EXOC6B: variants seen among roughly 807,000 people sequenced by gnomAD.
EXOC6B encodes SEC15 homolog B.
A neutral mutation model predicts 113.5 loss-of-function variants in EXOC6B; 54 were observed. The ratio of observed to expected loss-of-function variants is 0.48; its 90% CI spans 0.38 to 0.60. The LOEUF (loss-of-function observed/expected upper bound fraction) is 0.60, where lower values mean the gene tolerates loss of function less well. EXOC6B is among the 20% of genes least tolerant of loss of function. EXOC6B has a pLI of 0.00. For synonymous variants in EXOC6B, 357 were observed against 339.0 expected (o/e 1.05, Z -0.58); for missense variants, 797 against 977.5 (o/e 0.82, Z 2.46).
At chr2:72,451,427 C>T (rs1283697995) in intron 18 of EXOC6B, among the ~76,000 whole-genome samples, 2 of 152,074 alleles carry the variant, frequency 1.3e-5, no homozygotes, top group Non-Finnish European at 2.9e-5. Flanking sequence ...TAAAACAAAA[C>T]ACATAGACAA....
chr2:72,286,821 C>A (rs1685457920), intron 20 of EXOC6B, among the ~76,000 whole-genome samples: 1 of 151,828 alleles, frequency 6.6e-6, no homozygotes, highest in South Asian at 2.1e-4. Flanking sequence ...AATACGAAGT[C>A]CTTTTTAAAA....
intron 17 of EXOC6B, among the ~76,000 whole-genome samples, chr2:72,472,805 G>A (rs1698490911): frequency 6.6e-6 from 1 of 152,108 alleles, no homozygotes; most frequent in Non-Finnish European, 1.5e-5. Flanking sequence ...GCTTTTTGAT[G>A]TAGGTGCTTA....
chr2:72,423,977 C>T (rs894151850), intron 18 of EXOC6B, among the ~76,000 whole-genome samples: 1 of 152,154 alleles, frequency 6.6e-6, no homozygotes, highest in Non-Finnish European at 1.5e-5. Context: ...TTTTAATACA[C>T]TGTTGAATTG....
chr2:72,582,755 T>G (rs2103874267), intron 6 of EXOC6B, among the ~76,000 whole-genome samples: 1 of 152,256 alleles, frequency 6.6e-6, no homozygotes, highest in South Asian at 2.1e-4. Flanking sequence ...ACACAGGCTC[T>G]CCAGCAATGG....
At chr2:72,529,386 T>A (rs1486131012) in intron 8 of EXOC6B, among the ~76,000 whole-genome samples, 1 of 152,180 alleles carries the variant, frequency 6.6e-6, no homozygotes, top group Non-Finnish European at 1.5e-5. Flanking sequence ...TTTTAAAAAT[T>A]TTGCATCTAT....
At position 72,825,918 on chromosome 2, in the gene EXOC6B, G is replaced by A. The variant is rs781298134; in HGVS notation, c.-8C>T. The A allele has an allele frequency of 3.1e-6, 5 of 1,611,486 alleles. No individual in the cohort carries two copies. In the East Asian group the frequency reaches 8.9e-5, roughly 29 times the overall value. On this transcript the variant is annotated 5_prime_UTR_variant, in exon 1 of 22. Transcript: ENST00000272427. The surrounding 1 kb of genome is among the most constrained non-coding windows in gnomAD (Gnocchi z 4.4). ...CATCTTACCCCGCTCCATAGACTGGGGGCGCCCCGCAGCGCGTCCCCTCCG... is the reference window on the plus strand; with the variant it reads ...CATCTTACCCCGCTCCATAGACTGGAGGCGCCCCGCAGCGCGTCCCCTCCG...
At chr2:72,800,377 G>T (rs1246427622) in intron 1 of EXOC6B, among the ~76,000 whole-genome samples, 1 of 152,074 alleles carries the variant, frequency 6.6e-6, no homozygotes, top group Admixed American at 6.5e-5. Context: ...AAAAGCCAGA[G>T]TTCAAAACTA....
intron 1 of EXOC6B, among the ~76,000 whole-genome samples, chr2:72,756,697 G>A (rs1247203131): frequency 6.6e-6 from 1 of 152,044 alleles, no homozygotes; most frequent in African/African-American, 2.4e-5. Flanking sequence ...TATAATCCTA[G>A]CAGAATAGTT....
At chr2:72,667,338 C>T (rs983082580) in intron 6 of EXOC6B, among the ~76,000 whole-genome samples, 1 of 152,196 alleles carries the variant, frequency 6.6e-6, no homozygotes, top group African/African-American at 2.4e-5. Flanking sequence ...TCCTATCAAA[C>T]TACTAACATC....
chr2:72,343,722 T>A (rs1284186171), intron 19 of EXOC6B, among the ~76,000 whole-genome samples: 1 of 152,144 alleles, frequency 6.6e-6, no homozygotes, highest in Non-Finnish European at 1.5e-5. Context: ...TATAAAATTA[T>A]ATGTATAAAA....
Position 72,232,241 on chromosome 2 carries a change from C to T in EXOC6B, c.2197-48054G>A, listed in dbSNP as rs530987020. 3.2e-4 allele frequency among the ~76,000 whole-genome samples: 48 copies of T among 152,234 alleles called. 1 individual carries two copies. The South Asian group carries it at 8.5e-3, about 27-fold the overall frequency. Reference sequence around the variant, plus strand: ...CCATCTGCCTCAGCCTCCCAAAGTGCTGGTATTACAGGTGTGAGCCACTGT... The same window carrying T: ...CCATCTGCCTCAGCCTCCCAAAGTGTTGGTATTACAGGTGTGAGCCACTGT... On this transcript the variant is annotated intron_variant, in intron 20 of 21. Transcript: ENST00000272427.
intron 20 of EXOC6B, among the ~76,000 whole-genome samples, chr2:72,275,147 G>A (rs1400545700): frequency 6.6e-6 from 1 of 152,144 alleles, no homozygotes; most frequent in Non-Finnish European, 1.5e-5. Context: ...ATGTGAGCTA[G>A]TAATTTGCAT....
intron 13 of EXOC6B, among the ~76,000 whole-genome samples, chr2:72,497,945 C>T (rs918053151): frequency 4.6e-5 from 7 of 152,184 alleles, no homozygotes; most frequent in Admixed American, 2.6e-4. Flanking sequence ...ACTTAAATAA[C>T]AGGCTTCAAA....
At chr2:72,433,982 G>T (rs996641799) in intron 18 of EXOC6B, among the ~76,000 whole-genome samples, 2 of 152,036 alleles carry the variant, frequency 1.3e-5, no homozygotes, top group African/African-American at 4.8e-5. Flanking sequence ...GTCTTGTGCC[G>T]GTTTTCAAAG....
chr2:72,411,594 T>C (rs2105224014), intron 18 of EXOC6B, among the ~76,000 whole-genome samples: 1 of 152,302 alleles, frequency 6.6e-6, no homozygotes, highest in East Asian at 1.9e-4. Context: ...TAGTTTCTCA[T>C]GAGAAATCAA....
chr2:72,368,664 C>A (rs184913181), intron 19 of EXOC6B, among the ~76,000 whole-genome samples: 2 of 152,208 alleles, frequency 1.3e-5, no homozygotes, highest in Admixed American at 6.5e-5. Context: ...AGCTTATCTA[C>A]CACAATCAAG....
At chr2:72,191,400 GA>G (rs1678822312) in intron 20 of EXOC6B, among the ~76,000 whole-genome samples, 1 of 152,202 alleles carries the variant, frequency 6.6e-6, no homozygotes, top group Non-Finnish European at 1.5e-5. Context: ...CCAAGAACTA[GA>G]AAGCATAAGC....
intron 19 of EXOC6B, among the ~76,000 whole-genome samples, chr2:72,355,726 A>C (rs1689937145): frequency 6.6e-6 from 1 of 152,228 alleles, no homozygotes; most frequent in Non-Finnish European, 1.5e-5. Flanking sequence ...ATTCAGAAGG[A>C]TGAGGCTAAG....
intron 18 of EXOC6B, among the ~76,000 whole-genome samples, chr2:72,423,262 C>A (rs898688208): frequency 6.6e-6 from 1 of 151,622 alleles, no homozygotes; most frequent in Non-Finnish European, 1.5e-5. Flanking sequence ...GAAGAAACTC[C>A]GAACACATCT....
Sources: allele counts gnomAD v4.1 joint callset (sites outside exome capture counted in the v4.1 genomes callset), GRCh38; gene constraint gnomAD v4.1.1; non-coding constraint Gnocchi (gnomAD v3.1); transcripts MANE v1.5; gene names NCBI Gene and HGNC (gene_info 2026-07-23, HGNC 2026-07-21).